The following ARID1A variants were observed in gnomAD, a reference collection of about 807,000 sequenced individuals.
ARID1A encodes the protein AT-rich interactive domain-containing protein 1A.
Under a neutral mutation model 212.6 loss-of-function variants are expected in ARID1A, and 20 were observed. The ratio of observed to expected loss-of-function variants is 0.09; its 90% confidence interval spans 0.07 to 0.14. The LOEUF is 0.14. ARID1A is among the 10% of genes least tolerant of loss of function. ARID1A has a pLI of 1.00. For missense variants in ARID1A, 2,587 were observed against 3,059.0 expected (o/e 0.85, Z 3.64); for synonymous variants, 1,376 against 1,222.1 (o/e 1.13, Z -2.63).
intron 4 of ARID1A, among the ~76,000 whole-genome samples, chr1:26,742,490 T>C (rs1177290735): frequency 2.0e-5 from 3 of 152,202 alleles, no homozygotes; most frequent in Non-Finnish European, 4.4e-5. Context: ...AGATCCTTGC[T>C]ACTCAGTGTG....
At chr1:26,767,421 C>T (rs141539567) in intron 10 of ARID1A, among the ~76,000 whole-genome samples, 61 of 152,314 alleles carry the variant, frequency 4.0e-4, no homozygotes, top group African/African-American at 1.3e-3. Flanking sequence ...GCAGTAGTGG[C>T]TTTGATGTCA....
At position 26,724,251 on chromosome 1, in the gene ARID1A, TCTC is replaced by T. The variant is rs1052086017; in HGVS notation, c.1138-5396_1138-5394del. On this transcript the variant is annotated intron_variant, in intron 1 of 19. Transcript: ENST00000324856. ...GATAAAATGAGTAGTGGTCAAGACT[TCTC>T]CTCTCTGATGGACACCTTTTTGGCA... Among the ~76,000 whole-genome samples the T allele has an allele frequency of 3.9e-5, 6 of 152,068 alleles. No individual in the cohort carries two copies. The South Asian group carries it at 6.2e-4, about 16-fold the overall frequency.
At chr1:26,704,857 C>G (rs1419276652) in intron 1 of ARID1A, among the ~76,000 whole-genome samples, 2 of 146,442 alleles carry the variant, frequency 1.4e-5, no homozygotes, top group African/African-American at 5.0e-5. Context: ...AAGACCTTGT[C>G]TCAAAAAAAA....
intron 4 of ARID1A, among the ~76,000 whole-genome samples, chr1:26,742,237 C>G (rs2080794402): frequency 6.6e-6 from 1 of 152,222 alleles, no homozygotes; most frequent in Non-Finnish European, 1.5e-5. Flanking sequence ...CATTTTACTT[C>G]TGTTTTCCCA....
At chr1:26,727,523 A>G (rs2080629872) in intron 1 of ARID1A, among the ~76,000 whole-genome samples, 1 of 152,218 alleles carries the variant, frequency 6.6e-6, no homozygotes, top group African/African-American at 2.4e-5. Context: ...TTCTTAGCTA[A>G]TAGTATACAC....
At chr1:26,764,332 G>A (rs1430520636) in intron 8 of ARID1A, 1 of 148,556 alleles carries the variant, frequency 6.7e-6, no homozygotes, top group Non-Finnish European at 1.5e-5. Flanking sequence ...TGCTTATTTT[G>A]ATGTGCAAAA....
chr1:26,718,873 T>C (rs994335602), intron 1 of ARID1A, among the ~76,000 whole-genome samples: 4 of 152,210 alleles, frequency 2.6e-5, no homozygotes, highest in African/African-American at 7.2e-5. Context: ...TAAAGTTTAA[T>C]TTATTAGGCA....
At position 26,780,418 on chromosome 1, in the gene ARID1A, C is replaced by A. The variant is rs1557621153; in HGVS notation, c.6520C>A (p.Leu2174Met). ...REMAVVLLAN[L>M]AQGDSLAARA... Reference sequence around the variant, plus strand: ...GATGGCTGTGGTACTGCTGGCCAACCTGGCTCAGGGGGACAGCCTGGCAGC... The same window carrying A: ...GATGGCTGTGGTACTGCTGGCCAACATGGCTCAGGGGGACAGCCTGGCAGC... The change falls in exon 20 of 20, where the codon CTG becomes ATG. Residue 2174 changes from leucine to methionine, a missense_variant. Coordinates refer to ENST00000324856, the MANE Select transcript of ARID1A (RefSeq NM_006015.6). The surrounding 1 kb of genome is among the most constrained non-coding windows in gnomAD (Gnocchi z 7.2). 6.2e-7 allele frequency: 1 copy of A among 1,614,240 alleles called. No homozygotes were observed. Among genetic ancestry groups the A allele is most frequent in the Non-Finnish European group, 8.5e-7 (1 of 1,180,048 alleles).
chr1:26,747,690 A>T (rs2080850618), intron 4 of ARID1A, among the ~76,000 whole-genome samples: 1 of 151,592 alleles, frequency 6.6e-6, no homozygotes. Flanking sequence ...CTACCAAAAA[A>T]AAAAAAAAAA....
At chr1:26,708,528 C>T (rs1346363949) in intron 1 of ARID1A, among the ~76,000 whole-genome samples, 1 of 151,584 alleles carries the variant, frequency 6.6e-6, no homozygotes, top group Non-Finnish European at 1.5e-5. Context: ...TTGTGATCCA[C>T]CTGCCTCGGC....
intron 7 of ARID1A, among the ~76,000 whole-genome samples, chr1:26,762,588 C>A (rs1292061887): frequency 6.6e-6 from 1 of 152,172 alleles, no homozygotes; most frequent in Non-Finnish European, 1.5e-5. Flanking sequence ...TGAGCACAGA[C>A]AATTTATACA....
chr1:26,742,210 G>C (rs1191163488), intron 4 of ARID1A, among the ~76,000 whole-genome samples: 1 of 152,204 alleles, frequency 6.6e-6, no homozygotes, highest in African/African-American at 2.4e-5. Context: ...GTCCTAAAAG[G>C]AATGTCAATG....
chr1:26,697,504 C>A lies in ARID1A; in HGVS notation c.1101C>A (p.Ser367Arg). ...ACGCGCCCATGAGCCCCGGGAGCAG[C>A]GGCGGCGGGGGGCAGCCGCTCGCCC... ...SHHAPMSPGS[S>R]GGGGQPLART... is the part of the protein sequence containing the mutation. Residue 367 changes from serine to arginine, a missense_variant, in exon 1 of 20, where the codon AGC becomes AGA. Physicochemically the swap from Ser to Arg is moderately radical, Grantham distance 110. Coordinates refer to ENST00000324856, the MANE Select transcript of ARID1A (RefSeq NM_006015.6). The A allele has an allele frequency of 7.1e-7, 1 of 1,406,438 alleles. No individual in the cohort carries two copies. Among genetic ancestry groups the A allele is most frequent in the Non-Finnish European group, 9.2e-7 (1 of 1,087,820 alleles). 87.1% of individuals were successfully genotyped at this position (1,406,438 alleles called of 1,614,324 possible).
At chr1:26,766,816 A>T (rs1467145655) in intron 10 of ARID1A, among the ~76,000 whole-genome samples, 1 of 152,076 alleles carries the variant, frequency 6.6e-6, no homozygotes, top group African/African-American at 2.4e-5. Flanking sequence ...GTTATGGGGG[A>T]AATGCCAGAC....
At chr1:26,710,321 C>G (rs2080438431) in intron 1 of ARID1A, among the ~76,000 whole-genome samples, 1 of 151,418 alleles carries the variant, frequency 6.6e-6, no homozygotes, top group African/African-American at 2.4e-5. Context: ...GTAGTCCCAG[C>G]TACTTGGGAG....
At chr1:26,726,348 GT>G (rs1265988263) in intron 1 of ARID1A, among the ~76,000 whole-genome samples, 2 of 151,568 alleles carry the variant, frequency 1.3e-5, no homozygotes, top group Admixed American at 1.3e-4. Flanking sequence ...TAATTTTTGT[GT>G]TTTTAGTAGA....
intron 4 of ARID1A, among the ~76,000 whole-genome samples, chr1:26,738,109 C>T (rs888154310): frequency 4.6e-5 from 7 of 151,728 alleles, no homozygotes; most frequent in African/African-American, 1.5e-4. Context: ...CAACAACTTC[C>T]GCCTCCCGGG....
At chr1:26,718,265 G>A (rs1211673739) in intron 1 of ARID1A, among the ~76,000 whole-genome samples, 1 of 152,126 alleles carries the variant, frequency 6.6e-6, no homozygotes, top group African/African-American at 2.4e-5. Context: ...GTGAGCCACC[G>A]CACCCAGCCG....
chr1:26,696,222 C>G lies in ARID1A; in HGVS notation c.-182C>G. On this transcript the variant is annotated 5_prime_UTR_variant, in exon 1 of 20. Coordinates refer to ENST00000324856, the MANE Select transcript of ARID1A (RefSeq NM_006015.6). ...TCCTCCTCCTCCGCCGCCGCCAGCCCGGAGCCTGAGCCGGCGGGGCGGGGG... is the reference window on the plus strand; with the variant it reads ...TCCTCCTCCTCCGCCGCCGCCAGCCGGGAGCCTGAGCCGGCGGGGCGGGGG... 1.2e-6 allele frequency: 1 copy of G among 805,614 alleles called. No individual in the cohort carries two copies. Among genetic ancestry groups the G allele is most frequent in the Non-Finnish European group, 1.6e-6 (1 of 622,216 alleles). 49.9% of individuals were successfully genotyped at this position (805,614 alleles called of 1,614,324 possible).
Sources: allele counts gnomAD v4.1 joint callset (sites outside exome capture counted in the v4.1 genomes callset), GRCh38; gene constraint gnomAD v4.1.1; non-coding constraint Gnocchi (gnomAD v3.1); transcripts MANE v1.5; gene names NCBI Gene and HGNC (gene_info 2026-07-23, HGNC 2026-07-21).